DYNC1I1: variants seen among roughly 807,000 people sequenced by gnomAD.
DYNC1I1 encodes the protein dynein cytoplasmic 1 intermediate chain 1, also known as cytoplasmic dynein 1 intermediate chain 1.
Under a neutral mutation model 86.6 loss-of-function variants are expected in DYNC1I1, and 43 were observed. That is an observed-to-expected ratio of 0.50 (90% CI 0.39 to 0.64). The LOEUF is 0.64. Among genes scored for constraint, DYNC1I1 ranks in the 30% least tolerant of loss-of-function variants. The pLI is 0.00. For synonymous variants in DYNC1I1, 262 were observed against 283.7 expected, an observed-to-expected ratio of 0.92 and a Z score of 0.77; for missense variants, 604 against 788.8, an observed-to-expected ratio of 0.77 and a Z score of 2.81.
In DYNC1I1 at chr7:95,997,583, T is replaced by TGTGTG. The variant is rs1554429142; in HGVS notation, c.969+1510_969+1511insGTGTG. On this transcript the variant is annotated intron_variant, in intron 10 of 16. Coordinates refer to ENST00000447467, the MANE Select transcript of DYNC1I1 (RefSeq NM_001135556.2). ...CTAGTATTAATTGAAAAGGGCATTC[T>TGTGTG]TGTGTGTGTGTGTGTGTGTGTGTGT... 4.9e-3 allele frequency among the ~76,000 whole-genome samples: 693 copies of TGTGTG among 142,844 alleles called. 9 individuals are homozygous for TGTGTG. The highest frequency in any genetic ancestry group is 0.014 in the Middle Eastern group (4 of 284). 93.7% of individuals were successfully genotyped at this position (142,844 alleles called of 152,430 possible). A position where few individuals can be genotyped will look rare whatever the true frequency, so the allele number is the denominator to read the frequency against.
chr7:96,039,191 G>A, intron 13 of DYNC1I1, 86 bp from the exon 14 acceptor site: 1 of 1,451,902 alleles, frequency 6.9e-7, no homozygotes, highest in Non-Finnish European at 9.3e-7. Context: ...ATGCAGAGTT[G>A]AGGGTTTTTT....
intron 14 of DYNC1I1, among the ~76,000 whole-genome samples, chr7:96,043,641 A>C (rs1446136409): frequency 6.6e-6 from 1 of 152,132 alleles, no homozygotes; most frequent in African/African-American, 2.4e-5. Context: ...CAGGTGAAAA[A>C]CTTTACAAGG....
chr7:96,061,866 T>C (rs1012715962), intron 14 of DYNC1I1, among the ~76,000 whole-genome samples: 6 of 152,300 alleles, frequency 3.9e-5, no homozygotes, highest in African/African-American at 1.2e-4. Flanking sequence ...CCCTATTAAA[T>C]TGCAAATGTG....
chr7:95,977,956 A>G (rs1793350625), intron 7 of DYNC1I1, among the ~76,000 whole-genome samples: 1 of 152,210 alleles, frequency 6.6e-6, no homozygotes, highest in South Asian at 2.1e-4. Context: ...TTATTTTGTG[A>G]ATAAATTCTA....
intron 10 of DYNC1I1, among the ~76,000 whole-genome samples, chr7:96,005,425 T>C (rs1584244318): frequency 6.6e-6 from 1 of 152,200 alleles, no homozygotes; most frequent in African/African-American, 2.4e-5. Flanking sequence ...CTCTGTGATT[T>C]TTCATCTTGG....
intron 4 of DYNC1I1, 135 bp from the exon 5 acceptor site, chr7:95,827,922 G>A (rs1795237499): frequency 1.3e-6 from 1 of 744,898 alleles, no homozygotes; most frequent in East Asian, 2.5e-5. Context: ...GGGGTGGAGG[G>A]GATGGAAGGG....
intron 5 of DYNC1I1, among the ~76,000 whole-genome samples, chr7:95,832,836 T>A (rs1788951310): frequency 6.6e-6 from 1 of 152,228 alleles, no homozygotes; most frequent in African/African-American, 2.4e-5. Context: ...TTCTTGTACA[T>A]TTGTTTGAGT....
chr7:95,804,940 A>G (rs932385474), intron 2 of DYNC1I1, 103 bp downstream of exon 2: 185 of 1,433,294 alleles, frequency 1.3e-4, no homozygotes, highest in Non-Finnish European at 1.6e-4. Context: ...GAATCCTTTT[A>G]TGATATCTGA....
At chr7:95,793,852 A>G (rs1246924518) in intron 1 of DYNC1I1, among the ~76,000 whole-genome samples, 3 of 152,170 alleles carry the variant, frequency 2.0e-5, no homozygotes, top group Non-Finnish European at 4.4e-5. Flanking sequence ...GATGCTGAAG[A>G]GCCACCGTGT....
intron 1 of DYNC1I1, among the ~76,000 whole-genome samples, chr7:95,782,029 G>A (rs369097020): frequency 2.0e-5 from 3 of 152,096 alleles, no homozygotes; most frequent in Non-Finnish European, 2.9e-5. Context: ...GTCCAGTGTG[G>A]GTCAACAAGG....
At chr7:95,935,447 A>G (rs1792015350) in intron 6 of DYNC1I1, among the ~76,000 whole-genome samples, 1 of 152,044 alleles carries the variant, frequency 6.6e-6, no homozygotes, top group South Asian at 2.1e-4. Flanking sequence ...AGGAGTACTA[A>G]TAACACTTCA....
intron 1 of DYNC1I1, among the ~76,000 whole-genome samples, chr7:95,777,678 A>G (rs1481417689): frequency 6.6e-6 from 1 of 152,210 alleles, no homozygotes; most frequent in Non-Finnish European, 1.5e-5. Context: ...AATGCCATCA[A>G]TGTGGCAAAC....
At chr7:95,901,220 G>A (rs1030147424) in intron 6 of DYNC1I1, among the ~76,000 whole-genome samples, 13 of 152,288 alleles carry the variant, frequency 8.5e-5, no homozygotes, top group African/African-American at 2.9e-4. Flanking sequence ...TCATTGACTA[G>A]TGCCCAGTTA....
At chr7:95,892,634 A>T (rs779013339) in intron 6 of DYNC1I1, among the ~76,000 whole-genome samples, 7 of 152,122 alleles carry the variant, frequency 4.6e-5, no homozygotes, top group Non-Finnish European at 8.8e-5. Flanking sequence ...TTTAGTAGAG[A>T]TGGGGTTTCA....
intron 10 of DYNC1I1, among the ~76,000 whole-genome samples, chr7:96,002,501 G>A (rs1193789425): frequency 6.6e-6 from 1 of 152,166 alleles, no homozygotes; most frequent in African/African-American, 2.4e-5. Context: ...AAGTCAAATG[G>A]TTGTTATGAA....
chr7:96,055,323 G>T (rs1003901326), intron 14 of DYNC1I1, among the ~76,000 whole-genome samples: 2 of 152,024 alleles, frequency 1.3e-5, no homozygotes, highest in African/African-American at 4.8e-5. Flanking sequence ...ATGGGTTGGT[G>T]GGTGCAGCAA....
chr7:95,806,975 G>A (rs1231080984), intron 2 of DYNC1I1, among the ~76,000 whole-genome samples: 2 of 152,126 alleles, frequency 1.3e-5, no homozygotes, highest in African/African-American at 4.8e-5. Context: ...GAGTGGGTAT[G>A]GGTCCTCTCT....
chr7:95,988,853 A>G (rs1412379364), intron 9 of DYNC1I1, among the ~76,000 whole-genome samples: 2 of 152,208 alleles, frequency 1.3e-5, no homozygotes, highest in African/African-American at 4.8e-5. Flanking sequence ...CATATGAGGC[A>G]GCCACCCTTA....
At chr7:95,975,472 G>T (rs993267643) in intron 6 of DYNC1I1, among the ~76,000 whole-genome samples, 1 of 152,098 alleles carries the variant, frequency 6.6e-6, no homozygotes, top group Non-Finnish European at 1.5e-5. Flanking sequence ...TCTCCACATG[G>T]TGTTCTTCCT....
Sources: allele counts gnomAD v4.1 joint callset (sites outside exome capture counted in the v4.1 genomes callset), GRCh38; gene constraint gnomAD v4.1.1; transcripts MANE v1.5; gene names NCBI Gene and HGNC (gene_info 2026-07-23, HGNC 2026-07-21).